The following RPS6KA3 variants were observed in gnomAD, a reference collection of about 807,000 sequenced individuals.
The protein encoded by RPS6KA3 is ribosomal protein S6 kinase alpha-3.
A neutral mutation model predicts 67.2 loss-of-function variants in RPS6KA3; 4 were observed. The observed-to-expected ratio is 0.06, with a 90% confidence interval of 0.03 to 0.14. The LOEUF (loss-of-function observed/expected upper bound fraction) is 0.14. Among genes scored for constraint, RPS6KA3 ranks in the 10% least tolerant of loss-of-function variants. RPS6KA3 has a pLI of 1.00. For missense variants in RPS6KA3, 204 were observed against 559.0 expected (o/e 0.36, Z 6.40); for synonymous variants, 182 against 183.7 (o/e 0.99, Z 0.07).
At chrX:20,174,545 C>T (rs1376706023) in intron 14 of RPS6KA3, among the ~76,000 whole-genome samples, 1 of 107,882 alleles carries the variant, frequency 9.3e-6, no homozygotes, top group African/African-American at 3.4e-5. Context: ...GACGGGGTTT[C>T]ACTGTGTTGG....
chrX:20,256,172 C>CAAAAAAAAAA (rs35947983), intron 1 of RPS6KA3, among the ~76,000 whole-genome samples: 11 of 14,465 alleles, frequency 7.6e-4, no homozygotes, highest in African/African-American at 9.3e-4. Flanking sequence ...GACACCGTCT[C>CAAAAAAAAAA]AAAAAAAAAA....
At chrX:20,230,512 C>T (rs2148776089) in intron 2 of RPS6KA3, among the ~76,000 whole-genome samples, 1 of 111,496 alleles carries the variant, frequency 9.0e-6, no homozygotes, top group South Asian at 3.8e-4. Flanking sequence ...AGGAACATTG[C>T]CTTTGAAAGC....
chrX:20,228,433 G>C (rs2069176630), intron 2 of RPS6KA3, among the ~76,000 whole-genome samples: 1 of 111,186 alleles, frequency 9.0e-6, no homozygotes, highest in African/African-American at 3.3e-5. Context: ...CTAGTGGTTG[G>C]AATGGGACCA....
At chrX:20,194,521 T>G (rs1419048260) in intron 5 of RPS6KA3, among the ~76,000 whole-genome samples, 1 of 110,713 alleles carries the variant, frequency 9.0e-6, no homozygotes, top group Non-Finnish European at 1.9e-5. Context: ...CCATGATACA[T>G]AAGAAAACCT....
intron 2 of RPS6KA3, among the ~76,000 whole-genome samples, chrX:20,211,327 A>T (rs1220043551): frequency 9.0e-6 from 1 of 111,518 alleles, no homozygotes; most frequent in Admixed American, 9.6e-5. Context: ...AAAGAGATTA[A>T]TTGAAGGCTT....
intron 1 of RPS6KA3, among the ~76,000 whole-genome samples, chrX:20,251,162 C>A (rs1399696126): frequency 9.0e-6 from 1 of 111,647 alleles, no homozygotes; most frequent in Non-Finnish European, 1.9e-5. Flanking sequence ...GATGAGGTCT[C>A]ACTGTGTCGC....
intron 2 of RPS6KA3, among the ~76,000 whole-genome samples, chrX:20,233,791 G>A (rs999568137): frequency 1.3e-4 from 14 of 111,207 alleles, no homozygotes; most frequent in Admixed American, 8.6e-4. Flanking sequence ...CAAAGAAGAG[G>A]TAGTTCTATA....
chrX:20,262,881 A>G (rs182181568), intron 1 of RPS6KA3, among the ~76,000 whole-genome samples: 1 of 112,036 alleles, frequency 8.9e-6, no homozygotes, highest in Admixed American at 9.4e-5. Flanking sequence ...AATACTATAA[A>G]ATCTATGTAC....
chrX:20,197,181 C>T (rs1049991869), intron 4 of RPS6KA3, among the ~76,000 whole-genome samples: 6 of 112,576 alleles, frequency 5.3e-5, no homozygotes, highest in Non-Finnish European at 1.1e-4. Context: ...AAGTTCATCA[C>T]CAATACCTGC....
At chrX:20,265,960 G>A (rs1000151878) in intron 1 of RPS6KA3, 2 of 110,525 alleles carry the variant, frequency 1.8e-5, no homozygotes, top group African/African-American at 3.3e-5. Flanking sequence ...CAGAAACGGA[G>A]GGGGTAGGGG....
At chrX:20,220,127 A>G (rs1035346613) in intron 2 of RPS6KA3, among the ~76,000 whole-genome samples, 4 of 111,043 alleles carry the variant, frequency 3.6e-5, no homozygotes, top group African/African-American at 6.6e-5. Context: ...CAGATTCTAC[A>G]TGAAAAGCCA....
At chrX:20,230,118 G>T (rs1176912992) in intron 2 of RPS6KA3, among the ~76,000 whole-genome samples, 4 of 112,421 alleles carry the variant, frequency 3.6e-5, no homozygotes, top group Middle Eastern at 4.6e-3. Context: ...AGGGCACTAG[G>T]CCCCATGCCT....
intron 2 of RPS6KA3, among the ~76,000 whole-genome samples, chrX:20,224,272 T>TA (rs747242306): frequency 0.011 from 1,194 of 110,881 alleles, 6 homozygotes; most frequent in Middle Eastern, 0.018. Context: ...CTGACTTAGG[T>TA]AAAAAAACAG....
rs1180877341 is a variant in RPS6KA3, at chrX:20,266,660, G to A, written c.-28C>T. Reference sequence around the variant, plus strand: ...TCCCCCCCGGCCCGCCGCCTTCACCGCCTCCTCCCTCCCCGCCCGCCCCAC... The same window carrying A: ...TCCCCCCCGGCCCGCCGCCTTCACCACCTCCTCCCTCCCCGCCCGCCCCAC... On this transcript the variant is annotated 5_prime_UTR_variant, in exon 1 of 22. Coordinates refer to ENST00000379565, the MANE Select transcript of RPS6KA3 (RefSeq NM_004586.3). 1.8e-6 allele frequency: 2 copies of A among 1,087,462 alleles called. No individual in the cohort carries two copies. Among genetic ancestry groups the A allele is most frequent in the Admixed American group, 2.7e-5 (1 of 36,433 alleles). 89.6% of individuals were successfully genotyped at this position (1,087,462 alleles called of 1,213,427 possible).
chrX:20,167,839 T>C, intron 16 of RPS6KA3, 92 bp from the exon 17 acceptor site: 1 of 593,210 alleles, frequency 1.7e-6, no homozygotes, highest in Non-Finnish European at 2.8e-6. Context: ...TAAACTCACT[T>C]CATATTCAAG....
Position 20,155,138 on chromosome X carries a change from A to G in RPS6KA3, c.*260T>C. On this transcript the variant is annotated 3_prime_UTR_variant, in exon 22 of 22. Coordinates refer to ENST00000379565, the MANE Select transcript of RPS6KA3 (RefSeq NM_004586.3). ...TTTAGGTGGTATTCATATGTTCATT[A>G]TTTTTCTCATTGATTCAGTGACTAT... 1 of 379,655 alleles carries G rather than the reference A, an allele frequency of 2.6e-6. No individual in the cohort carries two copies. Among genetic ancestry groups the G allele is most frequent in the South Asian group, 3.5e-5 (1 of 28,765 alleles). The allele number at this position is 379,655 out of a possible 1,213,427, so 31.3% of individuals were successfully genotyped here.
chrX:20,256,172 CAAAA>C (rs35947983), intron 1 of RPS6KA3, among the ~76,000 whole-genome samples: 1 of 14,470 alleles, frequency 6.9e-5, no homozygotes, highest in African/African-American at 2.3e-4. Flanking sequence ...GACACCGTCT[CAAAA>C]AAAAAAAAAA....
intron 1 of RPS6KA3, among the ~76,000 whole-genome samples, chrX:20,254,351 C>T (rs986697788): frequency 6.3e-5 from 7 of 111,963 alleles, no homozygotes; most frequent in Admixed American, 5.7e-4. Flanking sequence ...AATATCACTG[C>T]CCCAATCTTT....
chrX:20,199,787 C>A lies in RPS6KA3; in HGVS notation c.325+4235G>T, dbSNP rs190539472. Among the ~76,000 whole-genome samples the A allele has an allele frequency of 9.1e-4, 102 of 112,155 alleles. 1 individual carries two copies. Among genetic ancestry groups the A allele is most frequent in the African/African-American group, 3.0e-3 (93 of 30,887 alleles). ...TCCCAAAGAGGAAAAGCAGCTTACA[C>A]ACAAAGGACTGGGAGTGAGACCAGC... On this transcript the variant is annotated intron_variant, in intron 4 of 21. Coordinates refer to ENST00000379565, the MANE Select transcript of RPS6KA3 (RefSeq NM_004586.3).
Sources: allele counts gnomAD v4.1 joint callset (sites outside exome capture counted in the v4.1 genomes callset), GRCh38; gene constraint gnomAD v4.1.1; transcripts MANE v1.5; gene names NCBI Gene and HGNC (gene_info 2026-07-23, HGNC 2026-07-21).